CFAP97: variants seen among roughly 807,000 people sequenced by gnomAD.
CFAP97 encodes the protein cilia- and flagella-associated protein 97.
In CFAP97, 36 loss-of-function variants were observed where a neutral mutation model predicts 43.1. The observed-to-expected ratio is 0.84, with a 90% CI of 0.64 to 1.10. The LOEUF is 1.10. CFAP97 is among the 50% of genes least tolerant of loss of function. The pLI is 0.00. For synonymous variants in CFAP97, 228 were observed against 225.7 expected (o/e 1.01, Z -0.09); for missense variants, 657 against 620.3 (o/e 1.06, Z -0.63).
intron 1 of CFAP97, among the ~76,000 whole-genome samples, chr4:185,203,004 T>G (rs1345918648): frequency 1.3e-5 from 2 of 152,230 alleles, no homozygotes; most frequent in Admixed American, 6.5e-5. Flanking sequence ...TAAAGGATAG[T>G]TCATCAGACC....
Position 185,174,113 on chromosome 4 carries a change from A to G in CFAP97, c.1320+1673T>C, listed in dbSNP as rs201876147. ...TCAGTGTCTCTTTTACTCTTCTGTA[A>G]CTACAATAACTATAAGATTGCTATC... On this transcript the variant is annotated intron_variant, in intron 3 of 4. Coordinates refer to ENST00000458385, the MANE Select transcript of CFAP97 (RefSeq NM_020827.3). 5.3e-5 allele frequency among the ~76,000 whole-genome samples: 8 copies of G among 152,326 alleles called. No homozygotes were observed. The East Asian group carries it at 7.7e-4, about 15-fold the overall frequency.
At chr4:185,183,948 G>T (rs1378764616) in intron 2 of CFAP97, among the ~76,000 whole-genome samples, 1 of 152,078 alleles carries the variant, frequency 6.6e-6, no homozygotes, top group Non-Finnish European at 1.5e-5. Context: ...TTATAATTGG[G>T]GAACTGTTCA....
At chr4:185,185,764 C>CAA (rs1735984026) in intron 2 of CFAP97, among the ~76,000 whole-genome samples, 1 of 151,600 alleles carries the variant, frequency 6.6e-6, no homozygotes, top group Non-Finnish European at 1.5e-5. Context: ...AACCTCCCCC[C>CAA]GCAGCTGGGA....
At chr4:185,196,406 G>A (rs773625824) in intron 1 of CFAP97, among the ~76,000 whole-genome samples, 37 of 151,824 alleles carry the variant, frequency 2.4e-4, no homozygotes, top group Non-Finnish European at 1.5e-4. Context: ...CCTGGCAGGC[G>A]GAGGTTGCAG....
chr4:185,175,753 T>A, intron 3 of CFAP97, 33 bp downstream of exon 3: 3 of 1,596,702 alleles, frequency 1.9e-6, no homozygotes, highest in Middle Eastern at 1.7e-4. Flanking sequence ...GCAAACACAT[T>A]TTCTTTGATG....
At chr4:185,205,163 AAGAC>A (rs1737131281), upstream of CFAP97, among the ~76,000 whole-genome samples, 1 of 152,236 alleles carries the variant, frequency 6.6e-6, no homozygotes, top group South Asian at 2.1e-4. Context: ...TGTTGCCTAA[AAGAC>A]AGCATTGGCT....
upstream of CFAP97, among the ~76,000 whole-genome samples, chr4:185,208,445 T>C (rs1204519582): frequency 6.6e-6 from 1 of 152,044 alleles, no homozygotes; most frequent in Non-Finnish European, 1.5e-5. Context: ...AAGAATGAAA[T>C]GAGGCCGGGC....
At position 185,190,536 on chromosome 4, in the gene CFAP97, G is replaced by A. The variant is rs772865586; in HGVS notation, c.661C>T (p.His221Tyr). The A allele has an allele frequency of 4.3e-6, 7 of 1,613,870 alleles. No individual in the cohort carries two copies. The East Asian group carries it at 1.6e-4, about 36-fold the overall frequency. Residue 221 changes from histidine to tyrosine, a missense_variant, in exon 2 of 5, where the codon CAC becomes TAC. Transcript: ENST00000458385. ...GATTTTATTCCTGATTTATACTTGTGTTTTGGTGACAGGAGGGTTATACCA... is the reference window on the plus strand; with the variant it reads ...GATTTTATTCCTGATTTATACTTGTATTTTGGTGACAGGAGGGTTATACCA... ...VSGITLLSPK[H>Y]KYKSGIKSTE...
At chr4:185,203,464 T>G (rs1737007977) in intron 1 of CFAP97, among the ~76,000 whole-genome samples, 1 of 152,118 alleles carries the variant, frequency 6.6e-6, no homozygotes, top group Non-Finnish European at 1.5e-5. Flanking sequence ...CCGGCCCAAA[T>G]TAAACACCTG....
rs540934390 is a variant in CFAP97, at chr4:185,174,713, C to T, written c.1320+1073G>A. On this transcript the variant is annotated intron_variant, in intron 3 of 4. Coordinates refer to ENST00000458385, the MANE Select transcript of CFAP97 (RefSeq NM_020827.3). ...CAGCAGCATACTCAGTAGCTCTGTG[C>T]TAAATATTTAACCTGTCTAACCCTC... Among the ~76,000 whole-genome samples, 10 of 152,302 alleles carry T rather than the reference C, an allele frequency of 6.6e-5. No homozygotes were observed. The South Asian group carries it at 1.9e-3, about 28-fold the overall frequency.
At chr4:185,192,885 C>A (rs533675036) in intron 1 of CFAP97, among the ~76,000 whole-genome samples, 2 of 151,904 alleles carry the variant, frequency 1.3e-5, no homozygotes, top group African/African-American at 4.8e-5. Flanking sequence ...GGACTACAGG[C>A]GCCCGCCACC....
In CFAP97 at chr4:185,161,151, G is replaced by T. The variant is rs867951705; in HGVS notation, c.*1647C>A. 7 of 152,020 alleles carry T rather than the reference G, an allele frequency of 4.6e-5. No homozygotes were observed. Among genetic ancestry groups the T allele is most frequent in the African/African-American group, 1.4e-4 (6 of 41,384 alleles). The allele number at this position is 152,020 out of a possible 1,614,324, so 9.4% of individuals were successfully genotyped here. On this transcript the variant is annotated 3_prime_UTR_variant, in exon 5 of 5. Coordinates refer to ENST00000458385, the MANE Select transcript of CFAP97 (RefSeq NM_020827.3). ...TAGCTCAAGCTTATATACACAGCAG[G>T]TATAGTAACTTGTTCACCAGAACAG... is the stretch of plus-strand genomic sequence containing the variant.
Position 185,162,429 on chromosome 4 carries a change from A to C in CFAP97, c.*369T>G. The C allele has an allele frequency of 4.4e-6, 1 of 226,420 alleles. No homozygotes were observed. Among genetic ancestry groups the C allele is most frequent in the South Asian group, 5.4e-5 (1 of 18,640 alleles). 14.0% of individuals were successfully genotyped at this position (226,420 alleles called of 1,614,324 possible). On this transcript the variant is annotated 3_prime_UTR_variant, in exon 5 of 5. Coordinates refer to ENST00000458385, the MANE Select transcript of CFAP97 (RefSeq NM_020827.3). ...ATTTAGGAGCTGAGCTCATGGTATAACACTTATAAAGAAATGAAAATAACA... is the reference window on the plus strand; with the variant it reads ...ATTTAGGAGCTGAGCTCATGGTATACCACTTATAAAGAAATGAAAATAACA...
intron 2 of CFAP97, among the ~76,000 whole-genome samples, chr4:185,186,158 C>T (rs866305588): frequency 6.6e-5 from 10 of 152,114 alleles, no homozygotes; most frequent in African/African-American, 1.9e-4. Flanking sequence ...GTGGGCCAGG[C>T]GAGGTGGTAC....
rs181965452 is a variant in CFAP97, at chr4:185,170,490, G to A, written c.1320+5296C>T. ...TGCCTCACTGCAACCTCTGCTTCCC[G>A]GGTTCAAGTGAGTCTCCTGCCTCAG... On this transcript the variant is annotated intron_variant, in intron 3 of 4. Transcript: ENST00000458385. 531 of 362,874 alleles carry A rather than the reference G, an allele frequency of 1.5e-3. 11 individuals are homozygous for A. In the Admixed American group the frequency reaches 0.022, roughly 15 times the overall value. 22.5% of individuals were successfully genotyped at this position (362,874 alleles called of 1,614,324 possible). A position where few individuals can be genotyped will look rare whatever the true frequency, so the allele number is the denominator to read the frequency against.
chr4:185,193,913 G>A (rs774508434), intron 1 of CFAP97, among the ~76,000 whole-genome samples: 1 of 79,912 alleles, frequency 1.3e-5, no homozygotes, highest in Non-Finnish European at 3.1e-5. Context: ...AATAAATAAG[G>A]GAATTCTAAC....
intron 1 of CFAP97, among the ~76,000 whole-genome samples, chr4:185,198,453 A>AGAAGG (rs1553975359): frequency 6.8e-6 from 1 of 147,378 alleles, no homozygotes; most frequent in Admixed American, 6.8e-5. Context: ...AAAAAAAAAA[A>AGAAGG]AAAGAAAGAA....
At chr4:185,165,647 A>G (rs1735038464) in intron 3 of CFAP97, among the ~76,000 whole-genome samples, 1 of 152,264 alleles carries the variant, frequency 6.6e-6, no homozygotes, top group Non-Finnish European at 1.5e-5. Context: ...AGACTCATGA[A>G]TTCAGTCATA....
chr4:185,166,238 T>C (rs763472589), intron 3 of CFAP97, among the ~76,000 whole-genome samples: 1 of 152,214 alleles, frequency 6.6e-6, no homozygotes, highest in Non-Finnish European at 1.5e-5. Flanking sequence ...TCTTGCATTG[T>C]GGACAGAGAA....
Sources: gnomAD v4.1 joint callset for allele counts (sites outside exome capture counted in the v4.1 genomes callset) on GRCh38, gnomAD v4.1.1 for gene constraint, MANE v1.5 for transcripts, NCBI Gene and HGNC (gene_info 2026-07-23, HGNC 2026-07-21) for gene names.